Variants in MGAT1 observed in about 807,000 individuals in gnomAD.
The protein encoded by MGAT1 is N-glycosyl-oligosaccharide-glycoprotein N-acetylglucosaminyltransferase I.
Under a neutral mutation model 31.7 loss-of-function variants are expected in MGAT1, and 14 were observed. The ratio of observed to expected loss-of-function variants is 0.44; its 90% CI spans 0.29 to 0.69. MGAT1 has a LOEUF of 0.69. MGAT1 is among the 30% of genes least tolerant of loss of function. The pLI is 0.12. For synonymous variants in MGAT1, 338 were observed against 276.0 expected (o/e 1.22, Z -2.23); for missense variants, 557 against 626.0 (o/e 0.89, Z 1.18).
At chr5:180,807,167 C>T (rs1407640638), upstream of MGAT1, among the ~76,000 whole-genome samples, 1 of 152,204 alleles carries the variant, frequency 6.6e-6, no homozygotes, top group Non-Finnish European at 1.5e-5. Flanking sequence ...ACAGGATTTT[C>T]AGTTTGCAGA....
At position 180,791,789 on chromosome 5, in the gene MGAT1, T is replaced by C; in HGVS notation, c.1183A>G (p.Lys395Glu). ...ACACCCAGAGCCTTGGCGAAAGCCT[T>C]GAAGCTGTCCCTGCCCGTATACTGC... ...RVQYTGRDSF[K>E]AFAKALGVMD... The change falls in exon 2 of 2, where the codon AAG (lysine) becomes GAG (glutamate). Residue 395 changes from lysine (K) to glutamate (E), a missense_variant. This residue lies in a region of MGAT1 where 145 missense variants were observed against 143.2 expected (regional missense o/e 1.01). Coordinates refer to ENST00000307826, the MANE Select transcript of MGAT1 (RefSeq NM_002406.4). 6.2e-7 allele frequency: 1 copy of C among 1,614,140 alleles called. No homozygotes were observed. Among genetic ancestry groups the C allele is most frequent in the Non-Finnish European group, 8.5e-7 (1 of 1,179,984 alleles).
chr5:180,806,003 C>G (rs116793485), upstream of MGAT1, among the ~76,000 whole-genome samples: 11 of 152,114 alleles, frequency 7.2e-5, no homozygotes, highest in African/African-American at 2.7e-4. Context: ...AAAATACACA[C>G]ACGGCCGGGC....
intron 1 of MGAT1, among the ~76,000 whole-genome samples, chr5:180,811,844 C>T (rs1561885997): frequency 1.3e-5 from 2 of 152,242 alleles, no homozygotes; most frequent in African/African-American, 4.8e-5. Flanking sequence ...TCCCCTTCCT[C>T]TGTTAGCTGC....
In MGAT1 at chr5:180,792,304, C is replaced by T. The variant is rs7726005; in HGVS notation, c.668G>A (p.Arg223Gln). 0.098 allele frequency: 157,771 copies of T among 1,609,498 alleles called. 8,981 individuals are homozygous for T. The highest frequency in any genetic ancestry group is 0.21 in the East Asian group (9,312 of 44,712). The change falls in exon 2 of 2, where the codon CGG becomes CAG. Residue 223 changes from arginine (R) to glutamine (Q), a missense_variant. This residue lies in a region of MGAT1 where 245 missense variants were observed against 332.9 expected (regional missense o/e 0.74). Coordinates refer to ENST00000307826, the MANE Select transcript of MGAT1 (RefSeq NM_002406.4). ...GGCCTTCAGCAGCGGATAGGTGGCC[C>T]GAAAGTACTCGAAGAAGTCCGGGGC... ...EVAPDFFEYF[R>Q]ATYPLLKADP...
intron 1 of MGAT1, among the ~76,000 whole-genome samples, chr5:180,798,956 C>A (rs1181025636): frequency 6.6e-6 from 1 of 152,200 alleles, no homozygotes; most frequent in East Asian, 1.9e-4. Context: ...CCATGTCAAG[C>A]CCTCCAGCCC....
Position 180,786,756 on chromosome 5 carries a change from G to A in MGAT1, c.*4878C>T, listed in dbSNP as rs1327114341. ...AGAAGGAGCCTGGGCCCTGACGGTG[G>A]AGGAACCCCCACACCAGCCTGCACC... On this transcript the variant is annotated 3_prime_UTR_variant, in exon 2 of 2. Coordinates refer to ENST00000307826, the MANE Select transcript of MGAT1 (RefSeq NM_002406.4). 6.6e-6 allele frequency: 1 copy of A among 152,362 alleles called. No individual in the cohort carries two copies. The highest frequency in any genetic ancestry group is 1.5e-5 in the Non-Finnish European group (1 of 68,190). 9.4% of individuals were successfully genotyped at this position (152,362 alleles called of 1,614,324 possible).
rs1209972316 is a variant in MGAT1 at position 180,786,804 on chromosome 5, GCGC to G, written c.*4827_*4829del. 6.6e-6 allele frequency: 1 copy of G among 152,306 alleles called. No homozygotes were observed. The highest frequency in any genetic ancestry group is 1.5e-5 in the Non-Finnish European group (1 of 68,152). 9.4% of individuals were successfully genotyped at this position (152,306 alleles called of 1,614,324 possible). ...ACCATCGACCTCTCATTTCCGTCCG[GCGC>G]TGGGATCCAGGCTTCCTGCTCTGCA... is the stretch of plus-strand genomic sequence containing the variant. On this transcript the variant is annotated 3_prime_UTR_variant, in exon 2 of 2. Coordinates refer to ENST00000307826, the MANE Select transcript of MGAT1 (RefSeq NM_002406.4).
chr5:180,807,355 C>T (rs191872609), upstream of MGAT1, among the ~76,000 whole-genome samples: 1 of 152,182 alleles, frequency 6.6e-6, no homozygotes, highest in East Asian at 1.9e-4. Flanking sequence ...GTGTGTTGTC[C>T]CTGGGAAAAG....
At chr5:180,813,825 C>T (rs1772707050) in intron 1 of MGAT1, among the ~76,000 whole-genome samples, 2 of 152,164 alleles carry the variant, frequency 1.3e-5, no homozygotes, top group African/African-American at 4.8e-5. Context: ...AACTCAAGGG[C>T]ACCTGAGTAG....
At chr5:180,808,592 C>G (rs1015715342) in intron 2 of MGAT1, 3 of 152,358 alleles carry the variant, frequency 2.0e-5, no homozygotes, top group Admixed American at 2.0e-4. Flanking sequence ...GCCAGCTCAA[C>G]ACCTTCTGCA....
intron 1 of MGAT1, chr5:180,809,657 C>G (rs1025999730): frequency 6.6e-6 from 1 of 152,106 alleles, no homozygotes; most frequent in African/African-American, 2.4e-5. Context: ...CTTCCCGGGG[C>G]TACTCCCGAG....
At position 180,792,946 on chromosome 5, in the gene MGAT1, A is replaced by C. The variant is rs1212140917; in HGVS notation, c.26T>G (p.Leu9Arg). The C allele has an allele frequency of 6.2e-7, 1 of 1,613,434 alleles. No individual in the cohort carries two copies. The highest frequency in any genetic ancestry group is 1.7e-5 in the Admixed American group (1 of 60,014). The change falls in exon 2 of 2, where the codon CTT becomes CGT. Residue 9 changes from leucine (L) to arginine (R), a missense_variant. Physicochemically the swap from Leu to Arg is moderately radical, Grantham distance 102. Coordinates refer to ENST00000307826, the MANE Select transcript of MGAT1 (RefSeq NM_002406.4). MLKKQSAG[L>R]VLWGAILFVA... ...AAAGAGGATAGCGCCCCACAGCACAAGCCCTGCAGACTGCTTCTTCAGCAT... is the reference window on the plus strand; with the variant it reads ...AAAGAGGATAGCGCCCCACAGCACACGCCCTGCAGACTGCTTCTTCAGCAT...
At position 180,793,057 on chromosome 5, in the gene MGAT1, A is replaced by G; in HGVS notation, c.-86T>C. On this transcript the variant is annotated 5_prime_UTR_variant, in exon 2 of 2. Transcript: ENST00000307826. ...GGCTCCCTTGCCCGCAGTCCTAGGG[A>G]TGCCTCCTCTGGACTATGGGATTAG... The G allele has an allele frequency of 6.6e-7, 1 of 1,511,608 alleles. No individual in the cohort carries two copies. The highest frequency in any genetic ancestry group is 9.0e-7 in the Non-Finnish European group (1 of 1,112,562). 93.6% of individuals were successfully genotyped at this position (1,511,608 alleles called of 1,614,324 possible).
At chr5:180,794,249 G>C (rs1768845812) in intron 1 of MGAT1, among the ~76,000 whole-genome samples, 1 of 150,518 alleles carries the variant, frequency 6.6e-6, no homozygotes, top group African/African-American at 2.4e-5. Flanking sequence ...AAAAAAAGCT[G>C]GGCATGGTGG....
At chr5:180,794,733 G>A (rs115607412) in intron 1 of MGAT1, among the ~76,000 whole-genome samples, 1 of 152,040 alleles carries the variant, frequency 6.6e-6, no homozygotes, top group Non-Finnish European at 1.5e-5. Flanking sequence ...GGATCACAAG[G>A]GGGGCAGGGG....
upstream of MGAT1, chr5:180,815,557 C>G (rs959361362): frequency 1.3e-5 from 2 of 152,356 alleles, no homozygotes; most frequent in South Asian, 2.1e-4. Context: ...AAGCTTGTCT[C>G]CCGGTTATTT....
rs143040691 is a variant in MGAT1 at position 180,812,570 on chromosome 5, G to GCA, written c.-546+2842_-546+2843dup. ...TTTATACACACGCACACACACACAGGCACACACACACACACATACATAACA... is the reference window on the plus strand; with the variant it reads ...TTTATACACACGCACACACACACAGGCACACACACACACACACATACATAACA... On this transcript the variant is annotated intron_variant, in intron 1 of 2. Coordinates refer to the MGAT1 transcript ENST00000333055. 1.1e-3 allele frequency among the ~76,000 whole-genome samples: 158 copies of GCA among 149,990 alleles called. 1 individual carries two copies. The highest frequency in any genetic ancestry group is 3.4e-3 in the Middle Eastern group (1 of 290).
At chr5:180,807,670 G>A (rs1358956517), upstream of MGAT1, among the ~76,000 whole-genome samples, 1 of 152,200 alleles carries the variant, frequency 6.6e-6, no homozygotes, top group Admixed American at 6.5e-5. Flanking sequence ...AATTGGACTG[G>A]AGAGCCATAA....
At position 180,792,113 on chromosome 5, in the gene MGAT1, A is replaced by G. The variant is rs1561816895; in HGVS notation, c.859T>C (p.Phe287Leu). The change falls in exon 2 of 2, where the codon TTC (phenylalanine) becomes CTC (leucine). Residue 287 changes from phenylalanine (F) to leucine (L), a missense_variant. This residue lies in a region of MGAT1 where 245 missense variants were observed against 332.9 expected (regional missense o/e 0.74). Coordinates refer to ENST00000307826, the MANE Select transcript of MGAT1 (RefSeq NM_002406.4). Reference protein sequence around the residue: ...AELEPKWPKAFWDDWMRRPEQ... With the variant: ...AELEPKWPKALWDDWMRRPEQ... ...GGCCGCCGCATCCAGTCGTCCCAGA[A>G]GGCCTTTGGCCACTTGGGCTCCAGC... 6.2e-7 allele frequency: 1 copy of G among 1,613,300 alleles called. No individual in the cohort carries two copies. Among genetic ancestry groups the G allele is most frequent in the Non-Finnish European group, 8.5e-7 (1 of 1,179,944 alleles).
Sources: allele counts gnomAD v4.1 joint callset (sites outside exome capture counted in the v4.1 genomes callset), GRCh38; gene constraint gnomAD v4.1.1; regional missense constraint gnomAD v4.1.1; transcripts MANE v1.5; gene names NCBI Gene and HGNC (gene_info 2026-07-23, HGNC 2026-07-21).